The following TEX2 variants were observed in gnomAD, a reference collection of about 807,000 sequenced individuals.
The protein encoded by TEX2 is testis expressed 2.
In TEX2, 53 loss-of-function variants were observed where a neutral mutation model predicts 106.9. That is an observed-to-expected ratio of 0.50 (90% CI 0.40 to 0.62). The LOEUF is 0.62. Among genes scored for constraint, TEX2 ranks in the 20% least tolerant of loss-of-function variants. The probability of loss-of-function intolerance (pLI) is 0.00; values close to 1 mark genes in which losing one functional copy is unlikely to be tolerated. For missense variants in TEX2, 1,207 were observed against 1,379.0 expected (o/e 0.88, Z 1.98); for synonymous variants, 523 against 534.8 (o/e 0.98, Z 0.30).
intron 2 of TEX2, among the ~76,000 whole-genome samples, chr17:64,200,722 G>C (rs2032632843): frequency 6.6e-6 from 1 of 152,210 alleles, no homozygotes; most frequent in African/African-American, 2.4e-5. Context: ...GCAGGAGGCA[G>C]AAGTGAGAGG....
intron 5 of TEX2, among the ~76,000 whole-genome samples, chr17:64,178,147 C>T (rs1279150926): frequency 6.6e-6 from 1 of 152,230 alleles, no homozygotes; most frequent in African/African-American, 2.4e-5. Context: ...CAGCGAAATA[C>T]CCTGATCCTT....
intron 4 of TEX2, 42 bp downstream of exon 4, chr17:64,193,517 G>A (rs910524843): frequency 8.7e-6 from 12 of 1,378,000 alleles, no homozygotes; most frequent in African/African-American, 1.5e-5. Flanking sequence ...CTCCCTAGTG[G>A]CCCTTTAAAA....
rs944835908 is a variant in TEX2 at position 64,185,084 on chromosome 17, T to C, written c.2424+3084A>G. 1.3e-5 allele frequency among the ~76,000 whole-genome samples: 2 copies of C among 152,228 alleles called. No homozygotes were observed. Among genetic ancestry groups the C allele is most frequent in the African/African-American group, 2.4e-5 (1 of 41,460 alleles). On this transcript the variant is annotated intron_variant, in intron 5 of 11. Coordinates refer to ENST00000584379, the MANE Select transcript of TEX2 (RefSeq NM_001288732.2). This position sits in a 1 kb window ranked among gnomAD's most constrained non-coding sequence, Gnocchi z 4.0. ...CTATTTGCTCTGTAACATTCTCATC[T>C]TCTGATAACACCAAACAGGTAATAA...
At chr17:64,238,874 C>A (rs1348216201) in intron 1 of TEX2, among the ~76,000 whole-genome samples, 3 of 152,130 alleles carry the variant, frequency 2.0e-5, no homozygotes, top group Admixed American at 1.3e-4. Flanking sequence ...TTAAAATGAG[C>A]AAAGCAGGGT....
At chr17:64,189,027 G>A (rs2032198046) in intron 4 of TEX2, among the ~76,000 whole-genome samples, 1 of 152,102 alleles carries the variant, frequency 6.6e-6, no homozygotes, top group Admixed American at 6.5e-5. Flanking sequence ...AAGTAGTGGC[G>A]AACTTGTCAG....
chr17:64,222,530 A>T (rs1170933652), intron 1 of TEX2, among the ~76,000 whole-genome samples: 1 of 151,800 alleles, frequency 6.6e-6, no homozygotes, highest in Non-Finnish European at 1.5e-5. Context: ...AAAAAAAAAA[A>T]AAAAAAGCAA....
Position 64,212,954 on chromosome 17 carries a change from A to G in TEX2, c.1264T>C (p.Tyr422His). The G allele has an allele frequency of 1.2e-6, 2 of 1,614,244 alleles. No individual in the cohort carries two copies. The highest frequency in any genetic ancestry group is 1.7e-6 in the Non-Finnish European group (2 of 1,180,040). The change falls in exon 2 of 12, where the codon TAC (tyrosine) becomes CAC (histidine). Residue 422 changes from tyrosine (Y) to histidine (H), a missense_variant. Coordinates refer to ENST00000584379, the MANE Select transcript of TEX2 (RefSeq NM_001288732.2). ...SKEDEEFCEL[Y>H]TEDFDLETEG... Reference sequence around the variant, plus strand: ...GTTTCCAAATCGAAGTCCTCAGTGTACAGTTCACAAAACTCTTCATCTTCT... The same window carrying G: ...GTTTCCAAATCGAAGTCCTCAGTGTGCAGTTCACAAAACTCTTCATCTTCT...
intron 4 of TEX2, among the ~76,000 whole-genome samples, chr17:64,192,905 C>T (rs191876229): frequency 6.6e-6 from 1 of 152,304 alleles, no homozygotes; most frequent in East Asian, 1.9e-4. Context: ...CTAATAACAC[C>T]CACACTGGTC....
At chr17:64,198,089 G>C (rs1275360675) in intron 2 of TEX2, among the ~76,000 whole-genome samples, 3 of 151,830 alleles carry the variant, frequency 2.0e-5, no homozygotes, top group African/African-American at 7.3e-5. Context: ...TTCATAATAG[G>C]AAACAGGCTT....
At chr17:64,237,694 A>G (rs1478172011) in intron 1 of TEX2, among the ~76,000 whole-genome samples, 1 of 152,186 alleles carries the variant, frequency 6.6e-6, no homozygotes, top group Non-Finnish European at 1.5e-5. Flanking sequence ...TTGGGCTACA[A>G]GACTGCAAGG....
intron 2 of TEX2, among the ~76,000 whole-genome samples, chr17:64,201,568 TAC>T (rs2032661084): frequency 6.6e-6 from 1 of 152,162 alleles, no homozygotes; most frequent in African/African-American, 2.4e-5. Flanking sequence ...TTCCAATGTC[TAC>T]AGAGTGGCAA....
chr17:64,198,138 A>G (rs1555629612), intron 2 of TEX2, among the ~76,000 whole-genome samples: 2 of 151,920 alleles, frequency 1.3e-5, no homozygotes, highest in Non-Finnish European at 2.9e-5. Context: ...TATATGGTCT[A>G]TCTTGGTTCC....
At chr17:64,152,722 C>T (rs1334794736) in intron 10 of TEX2, among the ~76,000 whole-genome samples, 3 of 152,198 alleles carry the variant, frequency 2.0e-5, no homozygotes, top group African/African-American at 7.2e-5. Flanking sequence ...TTGACTTTAA[C>T]TTTTCCTACC....
chr17:64,178,062 C>T (rs2031686736), intron 5 of TEX2, among the ~76,000 whole-genome samples: 1 of 152,190 alleles, frequency 6.6e-6, no homozygotes, highest in Admixed American at 6.5e-5. Context: ...GACGATGAAT[C>T]ACAGATCTGG....
chr17:64,235,755 A>G (rs1017850992), intron 1 of TEX2, among the ~76,000 whole-genome samples: 1 of 152,156 alleles, frequency 6.6e-6, no homozygotes, highest in South Asian at 2.1e-4. Context: ...CCTCTAATTC[A>G]TTGCTATACA....
intron 1 of TEX2, among the ~76,000 whole-genome samples, chr17:64,261,484 G>C: frequency 6.6e-6 from 1 of 152,030 alleles, no homozygotes; most frequent in East Asian, 1.9e-4. Context: ...TTGCTCTTCA[G>C]ACCTCCAACA....
chr17:64,196,913 G>A (rs540124638), intron 2 of TEX2, among the ~76,000 whole-genome samples: 5 of 148,884 alleles, frequency 3.4e-5, no homozygotes, highest in South Asian at 4.3e-4. Context: ...GTGACTTCAC[G>A]TTGGTAGCTT....
intron 1 of TEX2, among the ~76,000 whole-genome samples, chr17:64,228,326 T>G (rs2033562946): frequency 6.6e-6 from 1 of 152,196 alleles, no homozygotes; most frequent in African/African-American, 2.4e-5. Context: ...TATACTGCAT[T>G]TATTGTGCAT....
At chr17:64,178,215 G>A (rs2031693248) in intron 5 of TEX2, among the ~76,000 whole-genome samples, 1 of 152,178 alleles carries the variant, frequency 6.6e-6, no homozygotes, top group East Asian at 1.9e-4. Flanking sequence ...GTGAGGTGGG[G>A]GAGAAAGTAA....
Sources: gnomAD v4.1 joint callset for allele counts (sites outside exome capture counted in the v4.1 genomes callset) on GRCh38, gnomAD v4.1.1 for gene constraint, Gnocchi (gnomAD v3.1) non-coding constraint, MANE v1.5 for transcripts, NCBI Gene and HGNC (gene_info 2026-07-23, HGNC 2026-07-21) for gene names.